TRAPPC9: variants seen among roughly 807,000 people sequenced by gnomAD.
TRAPPC9 encodes the protein IKK2 binding protein.
TRAPPC9 carries 83 observed loss-of-function variants against 124.0 expected under a neutral mutation model. That is an observed-to-expected ratio of 0.67 (90% CI 0.56 to 0.80). The LOEUF (loss-of-function observed/expected upper bound fraction) is 0.80, where lower values mean the gene tolerates loss of function less well. Ranked by LOEUF, TRAPPC9 falls within the 30% of genes least tolerant of loss-of-function variation. TRAPPC9 has a pLI of 0.00. For synonymous variants in TRAPPC9, 638 were observed against 617.5 expected, an observed-to-expected ratio of 1.03 and a Z score of -0.49; for missense variants, 1,302 against 1,508.3, an observed-to-expected ratio of 0.86 and a Z score of 2.27.
intron 17 of TRAPPC9, among the ~76,000 whole-genome samples, chr8:140,083,076 C>T (rs1311883444): frequency 6.6e-6 from 1 of 152,076 alleles, no homozygotes; most frequent in African/African-American, 2.4e-5. Context: ...GCCTGTAGTC[C>T]CAGCTGCTCG....
At chr8:139,964,720 A>C (rs1395785684) in intron 19 of TRAPPC9, among the ~76,000 whole-genome samples, 2 of 152,196 alleles carry the variant, frequency 1.3e-5, no homozygotes, top group African/African-American at 2.4e-5. Flanking sequence ...AAGAGATGAA[A>C]TGGTAGGAAG....
chr8:139,834,141 C>G (rs1291501741), intron 21 of TRAPPC9, among the ~76,000 whole-genome samples: 2 of 152,030 alleles, frequency 1.3e-5, no homozygotes, highest in Non-Finnish European at 2.9e-5. Flanking sequence ...TTCTGTGTAC[C>G]CAGCGCCCAC....
At chr8:139,822,623 G>GC (rs1298594544) in intron 21 of TRAPPC9, among the ~76,000 whole-genome samples, 11 of 146,816 alleles carry the variant, frequency 7.5e-5, no homozygotes, top group Non-Finnish European at 1.2e-4. Context: ...CCGTAGGATG[G>GC]CGGGGGGGGG....
rs568390355 is a variant in TRAPPC9, at chr8:140,108,471, G to A, written c.2557-84392C>T. Among the ~76,000 whole-genome samples, 10 of 152,368 alleles carry A rather than the reference G, an allele frequency of 6.6e-5. No individual in the cohort carries two copies. The South Asian group carries it at 8.3e-4, about 13-fold the overall frequency. On this transcript the variant is annotated intron_variant, in intron 17 of 22. Transcript: ENST00000438773. ...ACAGAGAAGGCGTTTAAAGCCAAGT[G>A]TCCATTTGACTTTACAGCATTTTGG...
At chr8:140,131,449 C>A (rs1361776522) in intron 17 of TRAPPC9, among the ~76,000 whole-genome samples, 1 of 152,204 alleles carries the variant, frequency 6.6e-6, no homozygotes, top group Non-Finnish European at 1.5e-5. Context: ...CATCTGGCCC[C>A]TGCAACAGCC....
rs569271219 is a variant in TRAPPC9 at position 139,922,794 on chromosome 8, T to G, written c.2811-12494A>C. ...GCGAGAGGTAAAGGACGGGTCCAAA[T>G]CCATCCCGTGGACACTAGACAGAGC... On this transcript the variant is annotated intron_variant, in intron 19 of 22. Transcript: ENST00000438773. Among the ~76,000 whole-genome samples, 3 of 152,152 alleles carry G rather than the reference T, an allele frequency of 2.0e-5. No individual in the cohort carries two copies. The South Asian group carries it at 6.2e-4, about 32-fold the overall frequency.
chr8:140,141,848 A>C (rs1276290246), intron 17 of TRAPPC9, among the ~76,000 whole-genome samples: 1 of 152,190 alleles, frequency 6.6e-6, no homozygotes, highest in Non-Finnish European at 1.5e-5. Flanking sequence ...GGGAACCTTG[A>C]CCAATATTAA....
At chr8:140,162,676 C>T (rs1002014304) in intron 17 of TRAPPC9, among the ~76,000 whole-genome samples, 2 of 152,130 alleles carry the variant, frequency 1.3e-5, no homozygotes, top group African/African-American at 4.8e-5. Context: ...CGCTTCTTGC[C>T]GCTGAACTCC....
chr8:140,054,660 C>T (rs548210297), intron 17 of TRAPPC9, among the ~76,000 whole-genome samples: 3 of 151,870 alleles, frequency 2.0e-5, no homozygotes, highest in South Asian at 4.2e-4. Context: ...GACTAAAAAA[C>T]GAAGAAGAAA....
intron 17 of TRAPPC9, among the ~76,000 whole-genome samples, chr8:140,084,892 G>C (rs1394050305): frequency 6.6e-6 from 1 of 152,196 alleles, no homozygotes; most frequent in Non-Finnish European, 1.5e-5. Flanking sequence ...GTATCATTAG[G>C]CTCCTGTTAC....
intron 19 of TRAPPC9, among the ~76,000 whole-genome samples, chr8:139,924,785 T>C (rs752257636): frequency 2.6e-5 from 4 of 152,236 alleles, no homozygotes; most frequent in Non-Finnish European, 5.9e-5. Context: ...GTCCACCTCC[T>C]TCGCTCCTGG....
intron 17 of TRAPPC9, among the ~76,000 whole-genome samples, chr8:140,155,241 GAGA>G (rs2061608585): frequency 6.6e-6 from 1 of 152,238 alleles, no homozygotes; most frequent in Non-Finnish European, 1.5e-5. Context: ...AGGCTTAGGA[GAGA>G]AGGACTCCAG....
chr8:140,190,229 GAGGATCACTTGAGGTC>G (rs1443115617), intron 17 of TRAPPC9, among the ~76,000 whole-genome samples: 2 of 152,196 alleles, frequency 1.3e-5, no homozygotes, highest in Non-Finnish European at 2.9e-5. Flanking sequence ...GCTGAGGCTG[GAGGATCACTTGAGGTC>G]AGGAGTTCGA....
intron 16 of TRAPPC9, among the ~76,000 whole-genome samples, chr8:140,221,875 T>C (rs1203675214): frequency 6.6e-6 from 1 of 152,216 alleles, no homozygotes; most frequent in Non-Finnish European, 1.5e-5. Flanking sequence ...TTTTTGTTTA[T>C]GTAGGGGATT....
chr8:140,371,613 T>A (rs1170821436), intron 7 of TRAPPC9, among the ~76,000 whole-genome samples: 1 of 123,710 alleles, frequency 8.1e-6, no homozygotes. Flanking sequence ...ATATCAGACT[T>A]AAGACTTCAG....
intron 21 of TRAPPC9, among the ~76,000 whole-genome samples, chr8:139,853,007 C>T (rs1827583952): frequency 6.6e-6 from 1 of 152,184 alleles, no homozygotes; most frequent in Non-Finnish European, 1.5e-5. Context: ...GTTCGTCATT[C>T]GCAAAGGTTC....
At chr8:140,208,144 C>T (rs2062971384) in intron 17 of TRAPPC9, among the ~76,000 whole-genome samples, 1 of 138,022 alleles carries the variant, frequency 7.2e-6, no homozygotes, top group Admixed American at 7.4e-5. Flanking sequence ...AAATGAAACT[C>T]TGTCTCAAAA....
chr8:140,030,826 A>G (rs1373999303), intron 17 of TRAPPC9, among the ~76,000 whole-genome samples: 2 of 152,210 alleles, frequency 1.3e-5, no homozygotes, highest in East Asian at 3.9e-4. Flanking sequence ...TAGCAAGGAG[A>G]TCGGCAGTTG....
chr8:140,213,323 T>C (rs1462143519), intron 17 of TRAPPC9, among the ~76,000 whole-genome samples: 1 of 152,122 alleles, frequency 6.6e-6, no homozygotes, highest in Non-Finnish European at 1.5e-5. Context: ...TTTTCACATT[T>C]ATTAGCATAA....
Sources: allele counts gnomAD v4.1 joint callset (sites outside exome capture counted in the v4.1 genomes callset), GRCh38; gene constraint gnomAD v4.1.1; transcripts MANE v1.5; gene names NCBI Gene and HGNC (gene_info 2026-07-23, HGNC 2026-07-21).